The following ME1 variants were observed in gnomAD, a reference collection of about 807,000 sequenced individuals.
The protein encoded by ME1 is NADP-dependent malic enzyme.
Under a neutral mutation model 66.4 loss-of-function variants are expected in ME1, and 74 were observed. That is an observed-to-expected ratio of 1.11 (90% CI 0.92 to 1.35). The LOEUF is 1.35. ME1 is among the 40% of genes most tolerant of loss of function. ME1 has a pLI of 0.00. For missense variants in ME1, 750 were observed against 694.1 expected (o/e 1.08, Z -0.90); for synonymous variants, 251 against 235.6 (o/e 1.07, Z -0.60).
chr6:83,387,118 CATTTTACAATCACTGAGTT>C (rs1769522514), intron 3 of ME1, among the ~76,000 whole-genome samples: 1 of 152,096 alleles, frequency 6.6e-6, no homozygotes, highest in Non-Finnish European at 1.5e-5. Context: ...AACTTAGGCT[CATTTTACAATCACTGAGTT>C]ATTGAAGTAC....
At chr6:83,288,796 G>A (rs1767445903) in intron 6 of ME1, among the ~76,000 whole-genome samples, 1 of 152,158 alleles carries the variant, frequency 6.6e-6, no homozygotes, top group Non-Finnish European at 1.5e-5. Context: ...AGCATGGAAT[G>A]TTTTTCCACT....
At chr6:83,274,424 C>A (rs75216709) in intron 6 of ME1, among the ~76,000 whole-genome samples, 1 of 152,010 alleles carries the variant, frequency 6.6e-6, no homozygotes, top group Non-Finnish European at 1.5e-5. Context: ...TCTCTTTATG[C>A]AAACACATAA....
At chr6:83,323,810 T>C (rs1459342054) in intron 5 of ME1, among the ~76,000 whole-genome samples, 1 of 152,154 alleles carries the variant, frequency 6.6e-6, no homozygotes, top group Non-Finnish European at 1.5e-5. Flanking sequence ...TATTCAGGAC[T>C]TGAACTCAGC....
At chr6:83,428,126 C>G (rs1770407359) in intron 1 of ME1, among the ~76,000 whole-genome samples, 1 of 151,906 alleles carries the variant, frequency 6.6e-6, no homozygotes, top group Non-Finnish European at 1.5e-5. Flanking sequence ...CTAAGAAATG[C>G]TTCCCTAGAA....
At chr6:83,400,733 G>A (rs936766165) in intron 2 of ME1, among the ~76,000 whole-genome samples, 21 of 152,128 alleles carry the variant, frequency 1.4e-4, no homozygotes, top group Non-Finnish European at 2.6e-4. Flanking sequence ...GGCTCTTCTG[G>A]TCAAAAACCT....
At chr6:83,344,729 A>G (rs1768655486) in intron 5 of ME1, among the ~76,000 whole-genome samples, 1 of 151,850 alleles carries the variant, frequency 6.6e-6, no homozygotes, top group Non-Finnish European at 1.5e-5. Context: ...TAAAAATACA[A>G]AAAATTCACC....
chr6:83,221,013 G>T (rs1336622036), intron 12 of ME1, among the ~76,000 whole-genome samples: 1 of 152,106 alleles, frequency 6.6e-6, no homozygotes, highest in Non-Finnish European at 1.5e-5. Context: ...ACAAAAATTA[G>T]CTGGGCGTAT....
chr6:83,235,432 A>C (rs1790381045), intron 9 of ME1, among the ~76,000 whole-genome samples: 1 of 151,712 alleles, frequency 6.6e-6, no homozygotes, highest in South Asian at 2.1e-4. Flanking sequence ...ACAGTGTACA[A>C]AATTTTCATA....
intron 1 of ME1, among the ~76,000 whole-genome samples, chr6:83,425,688 G>C (rs545606729): frequency 6.6e-6 from 1 of 152,250 alleles, no homozygotes; most frequent in East Asian, 1.9e-4. Context: ...GATTTGGGTA[G>C]GAACACAGAC....
At chr6:83,215,287 T>A (rs1426137400) in intron 13 of ME1, among the ~76,000 whole-genome samples, 1 of 152,164 alleles carries the variant, frequency 6.6e-6, no homozygotes. Context: ...TACTTGACAA[T>A]GTCTGGAAAC....
At chr6:83,312,525 TA>T (rs973179773) in intron 6 of ME1, among the ~76,000 whole-genome samples, 2 of 151,702 alleles carry the variant, frequency 1.3e-5, no homozygotes, top group African/African-American at 2.4e-5. Context: ...AGATGGCAAA[TA>T]AAAAAAACCA....
chr6:83,241,410 A>T (rs1035295318), intron 7 of ME1, among the ~76,000 whole-genome samples: 1 of 152,154 alleles, frequency 6.6e-6, no homozygotes, highest in Non-Finnish European at 1.5e-5. Context: ...TTTACATCGA[A>T]TTGGACACTT....
intron 6 of ME1, among the ~76,000 whole-genome samples, chr6:83,263,457 G>A (rs1766932353): frequency 6.6e-6 from 1 of 152,134 alleles, no homozygotes. Flanking sequence ...GCCAAGTTGT[G>A]AATGCAAAGG....
chr6:83,329,891 G>A (rs964532986), intron 5 of ME1, among the ~76,000 whole-genome samples: 5 of 152,058 alleles, frequency 3.3e-5, no homozygotes, highest in Non-Finnish European at 7.4e-5. Flanking sequence ...CATGATCATA[G>A]ACAGCTCACT....
intron 6 of ME1, among the ~76,000 whole-genome samples, chr6:83,271,389 G>A (rs917382861): frequency 2.0e-5 from 3 of 152,170 alleles, no homozygotes; most frequent in Admixed American, 6.5e-5. Flanking sequence ...GGAGAATGTG[G>A]CTACAACTGA....
intron 5 of ME1, among the ~76,000 whole-genome samples, chr6:83,339,057 C>T (rs1768524154): frequency 5.4e-4 from 1 of 1,854 alleles, no homozygotes; most frequent in South Asian, 0.033. Flanking sequence ...AGAAAATTTT[C>T]GCAGCCTACT....
chr6:83,272,366 T>C (rs1253999329), intron 6 of ME1, among the ~76,000 whole-genome samples: 2 of 152,210 alleles, frequency 1.3e-5, no homozygotes, highest in Non-Finnish European at 2.9e-5. Flanking sequence ...TATTGGTGTG[T>C]GTTAAGTTTT....
chr6:83,341,729 C>T (rs1431817477), intron 5 of ME1, among the ~76,000 whole-genome samples: 2 of 152,076 alleles, frequency 1.3e-5, no homozygotes, highest in African/African-American at 2.4e-5. Context: ...GGCCGTTTTG[C>T]ACTGACTTCC....
intron 3 of ME1, among the ~76,000 whole-genome samples, chr6:83,384,705 T>C (rs1272934908): frequency 1.3e-5 from 2 of 151,906 alleles, no homozygotes; most frequent in Non-Finnish European, 2.9e-5. Context: ...CATAAATTAT[T>C]TGCCAAGGCC....
Sources: gnomAD v4.1 joint callset for allele counts (sites outside exome capture counted in the v4.1 genomes callset) on GRCh38, gnomAD v4.1.1 for gene constraint, MANE v1.5 for transcripts, NCBI Gene and HGNC (gene_info 2026-07-23, HGNC 2026-07-21) for gene names.